Variants in B3GALNT2 observed in about 807,000 individuals in gnomAD.
B3GALNT2 encodes beta-1,3-N-acetylgalactosaminyltransferase 2.
A neutral mutation model predicts 61.1 loss-of-function variants in B3GALNT2; 53 were observed. The ratio of observed to expected loss-of-function variants is 0.87; its 90% CI spans 0.70 to 1.09. The LOEUF is 1.09. Ranked by LOEUF, B3GALNT2 falls within the 50% of genes least tolerant of loss-of-function variation. The pLI is 0.00. For missense variants in B3GALNT2, 544 were observed against 623.0 expected (o/e 0.87, Z 1.35); for synonymous variants, 223 against 237.4 (o/e 0.94, Z 0.56).
At chr1:235,446,183 C>CT (rs11463602), downstream of B3GALNT2, among the ~76,000 whole-genome samples, 19,515 of 149,052 alleles carry the variant, frequency 0.13, 1,607 homozygotes, top group African/African-American at 0.23. Context: ...CCTATACATC[C>CT]TTTTTTTTTT....
chr1:235,475,894 C>T (rs1446946002), intron 5 of B3GALNT2, among the ~76,000 whole-genome samples: 1 of 151,936 alleles, frequency 6.6e-6, no homozygotes, highest in African/African-American at 2.4e-5. Flanking sequence ...CATCAAGTTG[C>T]CCAGGCTGGT....
At chr1:235,451,472 C>CAAAAA (rs11464279) in intron 11 of B3GALNT2, 8 of 83,036 alleles carry the variant, frequency 9.6e-5, no homozygotes, top group African/African-American at 2.8e-4. Flanking sequence ...GAGATGGTCA[C>CAAAAA]AAAAAAAAAA....
chr1:235,459,517 G>T (rs1244425135), intron 7 of B3GALNT2, among the ~76,000 whole-genome samples: 1 of 152,056 alleles, frequency 6.6e-6, no homozygotes, highest in African/African-American at 2.4e-5. Context: ...CAGCTTCTTG[G>T]GAGGCCAAGG....
rs1386125807 is a variant in B3GALNT2, at chr1:235,448,739, G to A, written c.*1467C>T. ...ACAGTTTTATTCTGTGGAAAATGGA[G>A]ATTGTCTATTAGTGCGATGGTGACA... On this transcript the variant is annotated 3_prime_UTR_variant, in exon 12 of 12. Coordinates refer to ENST00000366600, the MANE Select transcript of B3GALNT2 (RefSeq NM_152490.5). 1.7e-5 allele frequency: 28 copies of A among 1,613,742 alleles called. No homozygotes were observed. The highest frequency in any genetic ancestry group is 2.0e-5 in the Non-Finnish European group (24 of 1,179,736).
chr1:235,441,863 G>A, the B3GALNT2 span: 1 of 1,614,004 alleles, frequency 6.2e-7, no homozygotes, highest in Non-Finnish European at 8.5e-7. Flanking sequence ...AACCACTTAT[G>A]CTGAAAAACC....
At chr1:235,471,103 C>T in intron 5 of B3GALNT2, 143 bp from the exon 6 acceptor site, 1 of 1,426,356 alleles carries the variant, frequency 7.0e-7, no homozygotes, top group Non-Finnish European at 9.2e-7. Context: ...TGACATACCA[C>T]TGTTAGCGTT....
At chr1:235,496,345 A>G (rs989486560) in intron 1 of B3GALNT2, 1 of 981,660 alleles carries the variant, frequency 1.0e-6, no homozygotes, top group Non-Finnish European at 1.3e-6. Context: ...CAAATGGAAT[A>G]GAGGTATTTA....
intron 2 of B3GALNT2, among the ~76,000 whole-genome samples, chr1:235,491,101 G>T (rs928847648): frequency 5.1e-5 from 7 of 136,298 alleles, no homozygotes; most frequent in Admixed American, 4.3e-4. Context: ...AAAAAAAAAA[G>T]TCAAGGAAGA....
At position 235,448,388 on chromosome 1, in the gene B3GALNT2, G is replaced by A. The variant is rs137865306; in HGVS notation, c.*1818C>T. The A allele has an allele frequency of 5.1e-5, 82 of 1,613,938 alleles. No homozygotes were observed. In the Middle Eastern group the frequency reaches 6.6e-4, roughly 13 times the overall value. On this transcript the variant is annotated 3_prime_UTR_variant, in exon 12 of 12. Coordinates refer to ENST00000366600, the MANE Select transcript of B3GALNT2 (RefSeq NM_152490.5). Reference sequence around the variant, plus strand: ...CAAAAGGTGAAGGGATTGCTGTCACGTCTTCTCAAAGTTCCTGTGTCAGAC... The same window carrying A: ...CAAAAGGTGAAGGGATTGCTGTCACATCTTCTCAAAGTTCCTGTGTCAGAC...
downstream of B3GALNT2, among the ~76,000 whole-genome samples, chr1:235,445,064 A>C (rs1255989791): frequency 1.3e-5 from 2 of 152,202 alleles, no homozygotes; most frequent in African/African-American, 2.4e-5. Context: ...TGTTTTTATT[A>C]ATCTTTGGGT....
intron 7 of B3GALNT2, 57 bp from the exon 8 acceptor site, chr1:235,458,843 A>G (rs560018948): frequency 7.0e-7 from 1 of 1,421,762 alleles, no homozygotes; most frequent in Admixed American, 2.4e-5. Flanking sequence ...TACCATTCAG[A>G]ACTGATGATG....
chr1:235,471,344 AAATGTCTACT>A (rs1172848605), intron 5 of B3GALNT2, among the ~76,000 whole-genome samples: 1 of 152,200 alleles, frequency 6.6e-6, no homozygotes, highest in Admixed American at 6.5e-5. Context: ...GGTTGCTACT[AAATGTCTACT>A]AAAATATCTA....
At chr1:235,469,372 T>G (rs771493158) in intron 6 of B3GALNT2, among the ~76,000 whole-genome samples, 10 of 152,242 alleles carry the variant, frequency 6.6e-5, no homozygotes, top group Non-Finnish European at 1.3e-4. Flanking sequence ...TACAGACCGT[T>G]TGTTTACTAA....
chr1:235,457,609 A>G (rs1032504894), intron 8 of B3GALNT2, among the ~76,000 whole-genome samples: 10 of 152,222 alleles, frequency 6.6e-5, no homozygotes, highest in Non-Finnish European at 1.5e-4. Context: ...GGGAAATTAT[A>G]AATATGATAG....
rs1470669806 is a variant in B3GALNT2, at chr1:235,455,629, T to C, written c.1081A>G (p.Ile361Val). 1.9e-6 allele frequency: 3 copies of C among 1,604,550 alleles called. No homozygotes were observed. The highest frequency in any genetic ancestry group is 2.7e-5 in the African/African-American group (2 of 74,708). ...LLLKTDDDCY[I>V]DLEAVFNRIV... Reference sequence around the variant, plus strand: ...CTATTAAATACAGCTTCGAGGTCTATGTAACAGTCATCATCTGTCTTCAGC... The same window carrying C: ...CTATTAAATACAGCTTCGAGGTCTACGTAACAGTCATCATCTGTCTTCAGC... Residue 361 changes from isoleucine to valine, a missense_variant, in exon 9 of 12, where the codon ATA (isoleucine) becomes GTA (valine). Coordinates refer to ENST00000366600, the MANE Select transcript of B3GALNT2 (RefSeq NM_152490.5).
chr1:235,444,631 C>A (rs1268922126), downstream of B3GALNT2, among the ~76,000 whole-genome samples: 1 of 152,210 alleles, frequency 6.6e-6, no homozygotes, highest in Non-Finnish European at 1.5e-5. Context: ...CCTCAAACTC[C>A]TGAGCTCAAG....
intron 5 of B3GALNT2, among the ~76,000 whole-genome samples, chr1:235,474,353 C>T (rs1684138984): frequency 6.6e-6 from 1 of 152,194 alleles, no homozygotes; most frequent in African/African-American, 2.4e-5. Context: ...ATAACATAAG[C>T]AAGCTGTCTG....
chr1:235,463,304 A>G (rs1438000439), intron 7 of B3GALNT2, among the ~76,000 whole-genome samples: 1 of 152,132 alleles, frequency 6.6e-6, no homozygotes, highest in Non-Finnish European at 1.5e-5. Context: ...GGTGCACCAA[A>G]ATCTCAGAAA....
chr1:235,498,371 A>G (rs1308245816), intron 1 of B3GALNT2, among the ~76,000 whole-genome samples: 2 of 152,228 alleles, frequency 1.3e-5, no homozygotes, highest in African/African-American at 2.4e-5. Flanking sequence ...TTCAGAAAAG[A>G]AAAAAGGCAA....
Sources: allele counts gnomAD v4.1 joint callset (sites outside exome capture counted in the v4.1 genomes callset), GRCh38; gene constraint gnomAD v4.1.1; transcripts MANE v1.5; gene names NCBI Gene and HGNC (gene_info 2026-07-23, HGNC 2026-07-21).